The following VAPA variants were observed in gnomAD, a reference collection of about 807,000 sequenced individuals.
VAPA encodes the protein VAMP associated protein A, also known as vesicle-associated membrane protein-associated protein A.
In VAPA, 6 loss-of-function variants were observed where a neutral mutation model predicts 25.6. The observed-to-expected ratio is 0.23, with a 90% CI of 0.13 to 0.46. The LOEUF (loss-of-function observed/expected upper bound fraction) is 0.46. VAPA is among the 20% of genes least tolerant of loss of function. The probability of loss-of-function intolerance (pLI) is 0.99; values close to 1 mark genes in which losing one functional copy is unlikely to be tolerated. For missense variants in VAPA, 244 were observed against 302.1 expected, an observed-to-expected ratio of 0.81 and a Z score of 1.43; for synonymous variants, 112 against 106.2, an observed-to-expected ratio of 1.05 and a Z score of -0.34.
Position 9,954,529 on chromosome 18 carries a change from G to A in VAPA, c.*318G>A, listed in dbSNP as rs2069524709. On this transcript the variant is annotated 3_prime_UTR_variant, in exon 6 of 6. Transcript: ENST00000400000. ...AATAAGAGTTCAAGAATTGTTCAGA[G>A]TCTTGTAAATGTTATTTTAATAATC... 4.6e-6 allele frequency: 1 copy of A among 218,836 alleles called. No homozygotes were observed. Among genetic ancestry groups the A allele is most frequent in the African/African-American group, 2.3e-5 (1 of 43,704 alleles). The allele number at this position is 218,836 out of a possible 1,614,324, so 13.6% of individuals were successfully genotyped here.
chr18:9,952,218 C>T (rs1047429797), intron 5 of VAPA, among the ~76,000 whole-genome samples: 13 of 152,074 alleles, frequency 8.5e-5, no homozygotes, highest in Non-Finnish European at 1.6e-4. Flanking sequence ...TCTTTTTATG[C>T]TAGTGTTCTG....
chr18:9,914,387 C>A, intron 1 of VAPA, 52 bp downstream of exon 1: 3 of 1,497,604 alleles, frequency 2.0e-6, no homozygotes, highest in Non-Finnish European at 2.7e-6. Flanking sequence ...GGACCGCTGG[C>A]TGTCGGCGGG....
At chr18:9,946,445 C>A (rs918047664) in intron 4 of VAPA, among the ~76,000 whole-genome samples, 4 of 150,990 alleles carry the variant, frequency 2.6e-5, no homozygotes, top group African/African-American at 4.9e-5. Context: ...CGTAAACTTT[C>A]TTAAAACACT....
chr18:9,935,105 A>AAG (rs2069295173), intron 2 of VAPA, among the ~76,000 whole-genome samples: 4 of 151,568 alleles, frequency 2.6e-5, no homozygotes, highest in Admixed American at 2.6e-4. Flanking sequence ...AAAAAAAAAA[A>AAG]AAAAAAAACT....
At chr18:9,944,072 A>C (rs749288527) in intron 4 of VAPA, among the ~76,000 whole-genome samples, 1 of 151,694 alleles carries the variant, frequency 6.6e-6, no homozygotes, top group Non-Finnish European at 1.5e-5. Context: ...CGTGGTGTCA[A>C]TCTCCTGACC....
chr18:9,925,954 G>A (rs757149347), intron 1 of VAPA, among the ~76,000 whole-genome samples: 1 of 152,060 alleles, frequency 6.6e-6, no homozygotes, highest in Non-Finnish European at 1.5e-5. Context: ...GAGAGTTCAG[G>A]CCCTAGAGTC....
At position 9,954,896 on chromosome 18, in the gene VAPA, A is replaced by C. The variant is rs907921304; in HGVS notation, c.*685A>C. 1 of 152,626 alleles carries C rather than the reference A, an allele frequency of 6.6e-6. No individual in the cohort carries two copies. The highest frequency in any genetic ancestry group is 1.5e-5 in the Non-Finnish European group (1 of 68,040). The allele number at this position is 152,626 out of a possible 1,614,324, so 9.5% of individuals were successfully genotyped here. On this transcript the variant is annotated 3_prime_UTR_variant, in exon 6 of 6. Coordinates refer to ENST00000400000, the MANE Select transcript of VAPA (RefSeq NM_194434.3). ...ATGGTCACTTGAAATTATGATGCAA[A>C]GGTTTCTCTTGCATTGAAACCCTCT... is the stretch of plus-strand genomic sequence containing the variant.
chr18:9,959,626 C>G lies in VAPA; in HGVS notation c.*5415C>G, dbSNP rs1329417484. On this transcript the variant is annotated 3_prime_UTR_variant, in exon 6 of 6. Transcript: ENST00000400000. ...ATACTGTTTATAATTCTACAAAGAA[C>G]AAAAATTGTTATGTACTATAGGCAC... is the stretch of plus-strand genomic sequence containing the variant. 1 of 133,216 alleles carries G rather than the reference C, an allele frequency of 7.5e-6. No homozygotes were observed. The highest frequency in any genetic ancestry group is 1.5e-5 in the Non-Finnish European group (1 of 64,834). 8.3% of individuals were successfully genotyped at this position (133,216 alleles called of 1,614,324 possible).
At chr18:9,944,255 G>A (rs907208591) in intron 4 of VAPA, among the ~76,000 whole-genome samples, 3 of 152,028 alleles carry the variant, frequency 2.0e-5, no homozygotes, top group Admixed American at 6.5e-5. Context: ...GATTTCAGGG[G>A]TCTTATCATA....
chr18:9,937,161 A>G (rs2069319423), intron 4 of VAPA, 95 bp downstream of exon 4: 1 of 864,492 alleles, frequency 1.2e-6, no homozygotes, highest in African/African-American at 1.7e-5. Flanking sequence ...GGTATGTGTG[A>G]TATGGCTATT....
At position 9,938,579 on chromosome 18, in the gene VAPA, G is replaced by A. The variant is rs140388985; in HGVS notation, c.417+1513G>A. On this transcript the variant is annotated intron_variant, in intron 4 of 5. Transcript: ENST00000400000. Reference sequence around the variant, plus strand: ...CCCAGAATCCCCTGCGGTGGAACTCGAGCAGGAGTAGTTTGAGCCTGGAAC... The same window carrying A: ...CCCAGAATCCCCTGCGGTGGAACTCAAGCAGGAGTAGTTTGAGCCTGGAAC... 1.2e-3 allele frequency among the ~76,000 whole-genome samples: 176 copies of A among 152,280 alleles called. 3 individuals carry two copies. In the East Asian group the frequency reaches 0.024, roughly 21 times the overall value.
chr18:9,914,310 T>C lies in VAPA; in HGVS notation c.54T>C (p.Asp18=), dbSNP rs2069090775. Residue 18 remains aspartate, a synonymous_variant, in exon 1 of 6, where the codon GAT becomes GAC. Transcript: ENST00000400000. The stretch of plus-strand genomic sequence containing the variant: ...AGCACGAGCAGATCCTGGTCCTCGA[T>C]CCGCCCACAGACCTCAAATTCAAAG... The part of the protein sequence containing the change: ...MAKHEQILVL[D]PPTDLKFKGP... 6.3e-7 allele frequency: 1 copy of C among 1,588,068 alleles called. No homozygotes were observed. Among genetic ancestry groups the C allele is most frequent in the East Asian group, 2.5e-5 (1 of 40,790 alleles).
intron 2 of VAPA, among the ~76,000 whole-genome samples, chr18:9,933,691 A>G (rs963003949): frequency 9.2e-5 from 14 of 152,240 alleles, no homozygotes; most frequent in Non-Finnish European, 1.8e-4. Flanking sequence ...GCGTGTGCCA[A>G]CATGCCTGGC....
chr18:9,920,274 C>T (rs2069145408), intron 1 of VAPA, among the ~76,000 whole-genome samples: 1 of 152,118 alleles, frequency 6.6e-6, no homozygotes, highest in Admixed American at 6.6e-5. Flanking sequence ...ATTTACTAGT[C>T]AGCAGACATC....
intron 4 of VAPA, chr18:9,949,061 C>G (rs560498448): frequency 6.6e-6 from 1 of 152,124 alleles, no homozygotes; most frequent in Non-Finnish European, 1.5e-5. Context: ...CTGAAAATCA[C>G]AAATGAGTTC....
chr18:9,917,137 T>C (rs2069118439), intron 1 of VAPA, among the ~76,000 whole-genome samples: 1 of 152,254 alleles, frequency 6.6e-6, no homozygotes, highest in South Asian at 2.1e-4. Flanking sequence ...TAGACGCTGC[T>C]TTACTTCAAA....
chr18:9,953,629 C>G (rs1055544764), intron 5 of VAPA, among the ~76,000 whole-genome samples: 2 of 152,012 alleles, frequency 1.3e-5, no homozygotes, highest in Middle Eastern at 3.2e-3. Context: ...TGGGCTAGGA[C>G]GGATGTAACT....
chr18:9,917,921 A>G (rs2069125721), intron 1 of VAPA, among the ~76,000 whole-genome samples: 3 of 152,116 alleles, frequency 2.0e-5, no homozygotes, highest in Non-Finnish European at 2.9e-5. Flanking sequence ...GGCTCTAAAG[A>G]CATGAATGTA....
chr18:9,932,101 A>G (rs2069261489), intron 2 of VAPA, 139 bp downstream of exon 2: 1 of 622,180 alleles, frequency 1.6e-6, no homozygotes, highest in African/African-American at 1.9e-5. Flanking sequence ...ATGTCTTGTT[A>G]CAGTACTCTG....
Sources: allele counts gnomAD v4.1 joint callset (sites outside exome capture counted in the v4.1 genomes callset), GRCh38; gene constraint gnomAD v4.1.1; transcripts MANE v1.5; gene names NCBI Gene and HGNC (gene_info 2026-07-23, HGNC 2026-07-21).